The following PPFIA1 variants were observed in gnomAD, a reference collection of about 807,000 sequenced individuals.
PPFIA1 encodes the protein PPFI scaffold protein A1, also known as liprin-alpha-1.
Under a neutral mutation model 149.9 loss-of-function variants are expected in PPFIA1, and 25 were observed. The observed-to-expected ratio is 0.17, with a 90% confidence interval of 0.12 to 0.23. The LOEUF is 0.23. Among genes scored for constraint, PPFIA1 ranks in the 10% least tolerant of loss-of-function variants. PPFIA1 has a pLI of 1.00. For synonymous variants in PPFIA1, 549 were observed against 552.8 expected, an observed-to-expected ratio of 0.99 and a Z score of 0.10; for missense variants, 1,362 against 1,506.5, an observed-to-expected ratio of 0.90 and a Z score of 1.59.
At chr11:70,360,830 G>A (rs1477739523) in intron 19 of PPFIA1, among the ~76,000 whole-genome samples, 1 of 152,190 alleles carries the variant, frequency 6.6e-6, no homozygotes, top group Non-Finnish European at 1.5e-5. Context: ...AGAAAAAATG[G>A]ACTAAAAGCA....
At chr11:70,357,923 G>A (rs1418061143) in intron 19 of PPFIA1, among the ~76,000 whole-genome samples, 3 of 152,024 alleles carry the variant, frequency 2.0e-5, no homozygotes, top group Non-Finnish European at 2.9e-5. Flanking sequence ...ATTGCCATTT[G>A]GCCCTGTGAA....
At chr11:70,354,591 T>A in intron 17 of PPFIA1, 139 bp downstream of exon 17, 1 of 974,926 alleles carries the variant, frequency 1.0e-6, no homozygotes, top group Non-Finnish European at 1.5e-6. Flanking sequence ...ATTTACATGT[T>A]ACACTTAGAA....
intron 2 of PPFIA1, chr11:70,278,867 G>T: frequency 2.1e-6 from 1 of 478,252 alleles, no homozygotes; most frequent in South Asian, 2.1e-5. Context: ...TGGACAGCTG[G>T]TAGAGTGTTT....
At chr11:70,337,195 A>G (rs1477624030) in intron 11 of PPFIA1, among the ~76,000 whole-genome samples, 170 bp from the exon 12 acceptor site, 1 of 152,162 alleles carries the variant, frequency 6.6e-6, no homozygotes, top group Non-Finnish European at 1.5e-5. Flanking sequence ...ATATAAGAGA[A>G]GGTGTCGCCG....
chr11:70,281,412 G>A (rs955096555), intron 2 of PPFIA1, among the ~76,000 whole-genome samples: 16 of 152,154 alleles, frequency 1.1e-4, no homozygotes, highest in Non-Finnish European at 2.2e-4. Context: ...CTGAAACCCT[G>A]GAGTGTTTCC....
At chr11:70,296,913 C>T (rs1205566865) in intron 2 of PPFIA1, among the ~76,000 whole-genome samples, 3 of 152,136 alleles carry the variant, frequency 2.0e-5, no homozygotes, top group Non-Finnish European at 4.4e-5. Context: ...CTCCGCTGCT[C>T]ACTGTGAGAC....
At chr11:70,365,761 G>A in intron 21 of PPFIA1, 2 of 369,550 alleles carry the variant, frequency 5.4e-6, no homozygotes, top group Non-Finnish European at 1.1e-5. Flanking sequence ...GAGAGAGTCT[G>A]CTCCTTGCAT....
chr11:70,339,626 G>GTT (rs11323721), intron 14 of PPFIA1, among the ~76,000 whole-genome samples: 6 of 142,482 alleles, frequency 4.2e-5, no homozygotes, highest in South Asian at 2.2e-4. Flanking sequence ...GGCCTCTGTA[G>GTT]TTTTTTTTTT....
intron 2 of PPFIA1, among the ~76,000 whole-genome samples, chr11:70,315,187 A>T (rs916705656): frequency 6.6e-6 from 1 of 152,048 alleles, no homozygotes; most frequent in Non-Finnish European, 1.5e-5. Context: ...TGTTTATGTA[A>T]TCTGTTATAC....
chr11:70,376,156 T>C (rs2057481314), intron 24 of PPFIA1, among the ~76,000 whole-genome samples: 1 of 152,194 alleles, frequency 6.6e-6, no homozygotes, highest in Admixed American at 6.5e-5. Context: ...GCCCGGCTTA[T>C]TTTTGTATTT....
intron 19 of PPFIA1, among the ~76,000 whole-genome samples, chr11:70,360,463 C>T (rs1284970059): frequency 6.6e-6 from 1 of 152,264 alleles, no homozygotes; most frequent in East Asian, 1.9e-4. Flanking sequence ...CTTGGCCAGG[C>T]CCCGGACGCT....
At chr11:70,360,821 G>GA (rs1405785692) in intron 19 of PPFIA1, among the ~76,000 whole-genome samples, 1 of 152,186 alleles carries the variant, frequency 6.6e-6, no homozygotes, top group East Asian at 1.9e-4. Context: ...AATTATTATA[G>GA]AAAAAATGGA....
intron 2 of PPFIA1, among the ~76,000 whole-genome samples, chr11:70,303,857 T>G (rs1462093255): frequency 6.6e-6 from 1 of 151,954 alleles, no homozygotes; most frequent in Non-Finnish European, 1.5e-5. Context: ...AATACAAAAA[T>G]TAGCCAGGCG....
intron 2 of PPFIA1, among the ~76,000 whole-genome samples, chr11:70,315,754 A>C (rs1423279722): frequency 1.5e-5 from 2 of 137,724 alleles, no homozygotes; most frequent in African/African-American, 2.7e-5. Flanking sequence ...ATTTTTAAGC[A>C]CCCAGTTCAC....
intron 19 of PPFIA1, among the ~76,000 whole-genome samples, chr11:70,361,177 A>T (rs994577417): frequency 2.0e-5 from 3 of 152,218 alleles, no homozygotes; most frequent in African/African-American, 7.2e-5. Flanking sequence ...GATGGTGTTG[A>T]TACTGTTAAA....
chr11:70,288,038 T>C (rs1382687243), intron 2 of PPFIA1, among the ~76,000 whole-genome samples: 2 of 151,900 alleles, frequency 1.3e-5, no homozygotes, highest in African/African-American at 4.8e-5. Context: ...ATCTCTCACT[T>C]GCTCTCCAGC....
At chr11:70,329,367 A>G (rs2054519817) in intron 7 of PPFIA1, among the ~76,000 whole-genome samples, 1 of 152,194 alleles carries the variant, frequency 6.6e-6, no homozygotes, top group South Asian at 2.1e-4. Flanking sequence ...GTGAATATTT[A>G]TGGTATTTGA....
chr11:70,350,469 C>A (rs139180557), intron 16 of PPFIA1, among the ~76,000 whole-genome samples: 99 of 152,152 alleles, frequency 6.5e-4, no homozygotes, highest in African/African-American at 2.4e-3. Context: ...AGCTTTTGTT[C>A]TTATATATTT....
rs1400300597 is a variant in PPFIA1, at chr11:70,383,878, C to G, written c.*888C>G. 6.6e-6 allele frequency: 1 copy of G among 152,522 alleles called. No homozygotes were observed. Among genetic ancestry groups the G allele is most frequent in the Non-Finnish European group, 1.5e-5 (1 of 68,284 alleles). 9.4% of individuals were successfully genotyped at this position (152,522 alleles called of 1,614,324 possible). A position where few individuals can be genotyped will look rare whatever the true frequency, so the allele number is the denominator to read the frequency against. On this transcript the variant is annotated 3_prime_UTR_variant, in exon 28 of 28. Coordinates refer to ENST00000253925, the MANE Select transcript of PPFIA1 (RefSeq NM_003626.5). ...GGTGGAGAGACACCCATGTGGCTCC[C>G]CTTAGGGCCAGCACCAAGCACCACG...
Sources: allele counts gnomAD v4.1 joint callset (sites outside exome capture counted in the v4.1 genomes callset), GRCh38; gene constraint gnomAD v4.1.1; transcripts MANE v1.5; gene names NCBI Gene and HGNC (gene_info 2026-07-23, HGNC 2026-07-21).